Variants in UBR7 observed in about 807,000 individuals in gnomAD.
The protein encoded by UBR7 is putative E3 ubiquitin-protein ligase UBR7.
A neutral mutation model predicts 57.0 loss-of-function variants in UBR7; 22 were observed. The observed-to-expected ratio is 0.39, with a 90% CI of 0.28 to 0.55. UBR7 has a LOEUF of 0.55. Among genes scored for constraint, UBR7 ranks in the 20% least tolerant of loss-of-function variants. The pLI, the probability that UBR7 is intolerant of heterozygous loss-of-function variation, is 0.69. For missense variants in UBR7, 395 were observed against 513.2 expected (o/e 0.77, Z 2.23); for synonymous variants, 167 against 179.8 (o/e 0.93, Z 0.57).
chr14:93,212,249 A>G, intron 4 of UBR7, 122 bp downstream of exon 4: 1 of 712,384 alleles, frequency 1.4e-6, no homozygotes, highest in Non-Finnish European at 2.5e-6. Flanking sequence ...AGGGCTCTAG[A>G]TTTATCTTTT....
chr14:93,212,084 T>G lies in UBR7; in HGVS notation c.398T>G (p.Leu133Trp). 1.2e-6 allele frequency: 2 copies of G among 1,613,376 alleles called. No homozygotes were observed. Among genetic ancestry groups the G allele is most frequent in the Non-Finnish European group, 8.5e-7 (1 of 1,179,612 alleles). ...AAGTACAATGACAACTTTTTTGGAT[T>G]GTACTGCATTTGCAAGAGACCTTAT... is the stretch of plus-strand genomic sequence containing the variant. ...GNKYNDNFFG[L>W]YCICKRPYPD... The change falls in exon 4 of 11, where the codon TTG (leucine) becomes TGG (tryptophan). Residue 133 changes from leucine to tryptophan, a missense_variant. Physicochemically the swap from Leu to Trp is moderately conservative, Grantham distance 61. Transcript: ENST00000013070.
chr14:93,213,587 G>A (rs999222831), intron 4 of UBR7, among the ~76,000 whole-genome samples: 12 of 152,138 alleles, frequency 7.9e-5, no homozygotes, highest in Non-Finnish European at 8.8e-5. Context: ...GATTACAGGC[G>A]TGAGCCACCG....
chr14:93,224,008 GT>G, intron 10 of UBR7: 1 of 792,212 alleles, frequency 1.3e-6, no homozygotes, highest in South Asian at 1.4e-5. Flanking sequence ...AGTACCAGAA[GT>G]CCCGGGACTT....
At chr14:93,208,316 C>T (rs1894409887) in intron 1 of UBR7, among the ~76,000 whole-genome samples, 1 of 152,042 alleles carries the variant, frequency 6.6e-6, no homozygotes, top group South Asian at 2.1e-4. Context: ...GTGGTATGAA[C>T]TGAGATCATA....
chr14:93,224,729 A>C (rs995369723), intron 10 of UBR7, among the ~76,000 whole-genome samples: 1 of 152,154 alleles, frequency 6.6e-6, no homozygotes, highest in African/African-American at 2.4e-5. Context: ...TGTTGCAGAG[A>C]CTATCCTCTG....
chr14:93,224,087 G>T, intron 10 of UBR7: 1 of 1,010,562 alleles, frequency 9.9e-7, no homozygotes, highest in Non-Finnish European at 1.5e-6. Flanking sequence ...TTTGGGGGTG[G>T]GCAGGCAGTG....
Position 93,228,830 on chromosome 14 carries a change from T to TC in UBR7, c.*1797dup. ...TGTAACTACCAGAAAGTCCCTTACT[T>TC]CCTATGACCAATCAGGACCAAGTCT... On this transcript the variant is annotated 3_prime_UTR_variant, in exon 11 of 11. Transcript: ENST00000013070. 2.2e-6 allele frequency: 1 copy of TC among 454,108 alleles called. No individual in the cohort carries two copies. The highest frequency in any genetic ancestry group is 1.6e-5 in the South Asian group (1 of 64,476). 28.1% of individuals were successfully genotyped at this position (454,108 alleles called of 1,614,324 possible).
chr14:93,207,683 G>A (rs948920212), intron 1 of UBR7, among the ~76,000 whole-genome samples: 3 of 152,176 alleles, frequency 2.0e-5, no homozygotes, highest in Admixed American at 6.5e-5. Flanking sequence ...TGTCCGGCCC[G>A]CCAGGAAGGG....
intron 10 of UBR7, chr14:93,223,715 G>T: frequency 1.1e-6 from 1 of 898,720 alleles, no homozygotes. Flanking sequence ...TGGCCGGCCG[G>T]CTGGCGGCAC....
intron 10 of UBR7, among the ~76,000 whole-genome samples, chr14:93,224,579 G>A (rs997590553): frequency 1.8e-4 from 28 of 151,912 alleles, no homozygotes; most frequent in African/African-American, 4.3e-4. Flanking sequence ...GGGTTTCACC[G>A]TGTTAGCCAG....
intron 10 of UBR7, among the ~76,000 whole-genome samples, chr14:93,223,173 G>T (rs951621953): frequency 6.6e-6 from 1 of 152,030 alleles, no homozygotes; most frequent in East Asian, 1.9e-4. Context: ...GAGGTGGGTG[G>T]ATCACCTGAG....
chr14:93,224,079 T>TG, intron 10 of UBR7: 3 of 1,031,694 alleles, frequency 2.9e-6, no homozygotes, highest in Non-Finnish European at 4.5e-6. Context: ...GTGTGGCATT[T>TG]GGGGGTGGGC....
Position 93,227,299 on chromosome 14 carries a change from T to C in UBR7, c.*264T>C, listed in dbSNP as rs1394701512. ...TCCAGTGCACCCAGGGTTATTTGCA[T>C]AGTTTTTAAGTTTGATTTTGTTTTG... On this transcript the variant is annotated 3_prime_UTR_variant, in exon 11 of 11. Transcript: ENST00000013070. 1 of 600,166 alleles carries C rather than the reference T, an allele frequency of 1.7e-6. No individual in the cohort carries two copies. Among genetic ancestry groups the C allele is most frequent in the Non-Finnish European group, 3.1e-6 (1 of 322,540 alleles). The allele number at this position is 600,166 out of a possible 1,614,324, so 37.2% of individuals were successfully genotyped here.
intron 6 of UBR7, 83 bp from the exon 7 acceptor site, chr14:93,218,444 A>AT (rs1894635224): frequency 8.5e-7 from 1 of 1,173,246 alleles, no homozygotes; most frequent in African/African-American, 1.5e-5. Flanking sequence ...AGAATAAGTG[A>AT]TTTTATTGTC....
intron 10 of UBR7, among the ~76,000 whole-genome samples, chr14:93,224,733 T>A (rs1261165016): frequency 2.0e-5 from 3 of 152,222 alleles, no homozygotes; most frequent in African/African-American, 7.2e-5. Context: ...GCAGAGACTA[T>A]CCTCTGGTTA....
chr14:93,208,087 A>G (rs1274737079), intron 1 of UBR7, among the ~76,000 whole-genome samples: 1 of 152,114 alleles, frequency 6.6e-6, no homozygotes, highest in African/African-American at 2.4e-5. Flanking sequence ...GGAGAAAAGG[A>G]TCTGTTTGGC....
At chr14:93,211,282 C>T (rs1415077448) in intron 3 of UBR7, among the ~76,000 whole-genome samples, 2 of 151,664 alleles carry the variant, frequency 1.3e-5, no homozygotes, top group Non-Finnish European at 2.9e-5. Flanking sequence ...CACGGTGGCT[C>T]ACACCTGTAA....
Position 93,227,445 on chromosome 14 carries a change from C to G in UBR7, c.*410C>G, listed in dbSNP as rs921234624. 2.3e-5 allele frequency: 16 copies of G among 681,468 alleles called. No individual in the cohort carries two copies. Among genetic ancestry groups the G allele is most frequent in the Non-Finnish European group, 3.5e-5 (13 of 373,392 alleles). The allele number at this position is 681,468 out of a possible 1,614,324, so 42.2% of individuals were successfully genotyped here. On this transcript the variant is annotated 3_prime_UTR_variant, in exon 11 of 11. Coordinates refer to ENST00000013070, the MANE Select transcript of UBR7 (RefSeq NM_175748.4). ...CAGGCATCACGGAAGGCTCTCTTCC[C>G]GTCACCTAGAACCTCTACAGGTCCC...
In UBR7 at chr14:93,207,440, A is replaced by G. The variant is rs1894387056; in HGVS notation, c.149A>G (p.Gln50Arg). ...GACTCCGAGAAGTGCTCCTACTCTC[A>G]GGTGGGCGCGCGGCCCGGGCCTCCT... ...GSDSEKCSYS[Q>R]GSVKRQALYA... The change falls in exon 1 of 11, where the codon CAG becomes CGG. Residue 50 changes from glutamine (Q) to arginine (R), a missense_variant and splice_region_variant. By Grantham distance (43) the Gln-to-Arg change is conservative. Coordinates refer to ENST00000013070, the MANE Select transcript of UBR7 (RefSeq NM_175748.4). 1.9e-6 allele frequency: 3 copies of G among 1,547,170 alleles called. No individual in the cohort carries two copies.
Sources: allele counts gnomAD v4.1 joint callset (sites outside exome capture counted in the v4.1 genomes callset), GRCh38; gene constraint gnomAD v4.1.1; transcripts MANE v1.5; gene names NCBI Gene and HGNC (gene_info 2026-07-23, HGNC 2026-07-21).